Variants in WDR49 observed in about 807,000 individuals in gnomAD.
The protein encoded by WDR49 is cilia- and flagella-associated protein 337.
In WDR49, 107 loss-of-function variants were observed where a neutral mutation model predicts 119.5. That is an observed-to-expected ratio of 0.90 (90% CI 0.77 to 1.05). The LOEUF is 1.05. WDR49 is among the 50% of genes least tolerant of loss of function. The pLI is 0.00. For synonymous variants in WDR49, 425 were observed against 418.8 expected, an observed-to-expected ratio of 1.01 and a Z score of -0.18; for missense variants, 1,240 against 1,220.5, an observed-to-expected ratio of 1.02 and a Z score of -0.24.
chr3:167,542,743 A>T (rs1711920128), intron 10 of WDR49, among the ~76,000 whole-genome samples: 2 of 152,082 alleles, frequency 1.3e-5, no homozygotes, highest in African/African-American at 4.8e-5. Context: ...GAGAAACAAG[A>T]AAAAAACAAA....
At chr3:167,631,763 A>G (rs562071912) in intron 2 of WDR49, among the ~76,000 whole-genome samples, 1 of 152,164 alleles carries the variant, frequency 6.6e-6, no homozygotes, top group South Asian at 2.1e-4. Flanking sequence ...CTGGCAAGGT[A>G]CTTCACTGCT....
At chr3:167,604,571 A>G (rs983755003) in intron 5 of WDR49, 103 bp from the exon 6 acceptor site, 7 of 1,160,650 alleles carry the variant, frequency 6.0e-6, no homozygotes, top group Non-Finnish European at 8.2e-6. Context: ...ATTAAACTCA[A>G]ACTATGATGA....
intron 4 of WDR49, 132 bp from the exon 5 acceptor site, chr3:167,620,735 C>A: frequency 1.1e-6 from 1 of 882,116 alleles, no homozygotes; most frequent in Non-Finnish European, 1.6e-6. Flanking sequence ...TTAAAGGATG[C>A]AGGGTGTTAT....
chr3:167,620,599 T>G lies in WDR49; in HGVS notation c.788A>C (p.Gln263Pro), dbSNP rs1025911986. The G allele has an allele frequency of 9.8e-6, 15 of 1,533,296 alleles. No homozygotes were observed. The South Asian group carries it at 1.3e-4, about 13-fold the overall frequency. The allele number at this position is 1,533,296 out of a possible 1,614,324, so 95.0% of individuals were successfully genotyped here. A position where few individuals can be genotyped will look rare whatever the true frequency, so the allele number is the denominator to read the frequency against. ...CAAGGCTGCGGTGAAAGCAATTGCT[T>G]GAACCTTGACAGAGACATTGAAAGA... is the stretch of plus-strand genomic sequence containing the variant. The part of the protein sequence containing the change: ...LSFGDITGKV[Q>P]AIAFTAALIS... Residue 263 changes from glutamine (Q) to proline (P), a missense_variant, in exon 5 of 19, where the codon CAA becomes CCA. Gln to Pro is a moderately conservative substitution (Grantham distance 76, BLOSUM62 -1). Transcript: ENST00000682715.
chr3:167,657,771 C>A (rs567264899), upstream of WDR49, among the ~76,000 whole-genome samples: 18 of 152,170 alleles, frequency 1.2e-4, no homozygotes, highest in African/African-American at 4.3e-4. Context: ...GTCCTCACTG[C>A]TCCTTCTCAA....
chr3:167,563,383 A>AAAACC (rs1713399095), intron 8 of WDR49, among the ~76,000 whole-genome samples: 1 of 149,864 alleles, frequency 6.7e-6, no homozygotes, highest in Non-Finnish European at 1.5e-5. Flanking sequence ...AAAAAGAAAG[A>AAAACC]AACCTGATTT....
intron 18 of WDR49, among the ~76,000 whole-genome samples, chr3:167,492,302 G>A (rs866347407): frequency 6.6e-6 from 1 of 151,966 alleles, no homozygotes; most frequent in Non-Finnish European, 1.5e-5. Context: ...AAGCTACCAG[G>A]GAATTTGATT....
At chr3:167,545,607 A>T (rs1712140228) in intron 10 of WDR49, among the ~76,000 whole-genome samples, 2 of 149,184 alleles carry the variant, frequency 1.3e-5, no homozygotes, top group African/African-American at 4.9e-5. Context: ...GAAGTAACTC[A>T]GGAATGGAAA....
intron 15 of WDR49, among the ~76,000 whole-genome samples, chr3:167,523,171 T>C (rs978305033): frequency 4.6e-5 from 7 of 152,082 alleles, no homozygotes; most frequent in Non-Finnish European, 1.0e-4. Flanking sequence ...AGACTTGTCA[T>C]AAGTGTTTGC....
chr3:167,483,260 C>T (rs1323950968), intron 18 of WDR49, among the ~76,000 whole-genome samples: 40 of 152,192 alleles, frequency 2.6e-4, no homozygotes, highest in Admixed American at 2.6e-3. Flanking sequence ...TGCAGATTAG[C>T]ACTTTAGAAT....
At position 167,575,934 on chromosome 3, in the gene WDR49, T is replaced by C. The variant is rs1714225373; in HGVS notation, c.1493A>G (p.Asn498Ser). The C allele has an allele frequency of 1.9e-6, 3 of 1,614,154 alleles. No homozygotes were observed. The highest frequency in any genetic ancestry group is 4.5e-5 in the East Asian group (2 of 44,864). The change falls in exon 8 of 19, where the codon AAT becomes AGT. Residue 498 changes from asparagine to serine, a missense_variant. Physicochemically the swap from Asn to Ser is conservative, Grantham distance 46 (BLOSUM62 1). Coordinates refer to ENST00000682715, the MANE Select transcript of WDR49 (RefSeq NM_001366157.1). ...HEKAVTCVLY[N>S]SILKQVISSD... Reference sequence around the variant, plus strand: ...CATCATTACCTGCTTCAAGATAGAATTGTAAAGAACACAAGTGACTGCTTT... The same window carrying C: ...CATCATTACCTGCTTCAAGATAGAACTGTAAAGAACACAAGTGACTGCTTT...
intron 10 of WDR49, among the ~76,000 whole-genome samples, chr3:167,538,997 C>T (rs778286044): frequency 8.6e-5 from 13 of 151,966 alleles, no homozygotes; most frequent in Non-Finnish European, 1.8e-4. Flanking sequence ...GAATTATTTC[C>T]CTCTATTCTT....
At chr3:167,499,379 C>T (rs911299252) in intron 18 of WDR49, among the ~76,000 whole-genome samples, 3 of 152,294 alleles carry the variant, frequency 2.0e-5, no homozygotes, top group African/African-American at 7.2e-5. Context: ...TCTCAGATAG[C>T]TTCATTTAAT....
rs141999969 is a variant in WDR49 at position 167,482,603 on chromosome 3, C to T, written c.3032-3607G>A. On this transcript the variant is annotated intron_variant, in intron 18 of 18. Coordinates refer to ENST00000682715, the MANE Select transcript of WDR49 (RefSeq NM_001366157.1). ...CTGAGGCAGGAGAATGGCGTGAACC[C>T]GGGAGGCAGAGCTTGCAGTGAGTTG... is the stretch of plus-strand genomic sequence containing the variant. 1.6e-3 allele frequency among the ~76,000 whole-genome samples: 232 copies of T among 148,810 alleles called. 1 individual carries two copies. The highest frequency in any genetic ancestry group is 8.2e-4 in the East Asian group (4 of 4,898).
At chr3:167,602,070 T>C in intron 7 of WDR49, 57 bp downstream of exon 7, 3 of 1,507,184 alleles carry the variant, frequency 2.0e-6, no homozygotes, top group Non-Finnish European at 2.7e-6. Context: ...CCAGAGTTGA[T>C]TTGGGTAGGA....
intron 11 of WDR49, 98 bp downstream of exon 11, chr3:167,536,772 A>AT: frequency 1.1e-5 from 5 of 459,664 alleles, no homozygotes; most frequent in Non-Finnish European, 1.4e-5. Context: ...TATATATATA[A>AT]AACAACTGAG....
At chr3:167,512,591 C>T (rs1358921246) in intron 16 of WDR49, among the ~76,000 whole-genome samples, 2 of 152,112 alleles carry the variant, frequency 1.3e-5, no homozygotes, top group African/African-American at 4.8e-5. Context: ...AGAAACGGCA[C>T]AGAACTGGGC....
intron 13 of WDR49, 96 bp from the exon 14 acceptor site, chr3:167,529,335 G>A: frequency 8.9e-7 from 1 of 1,121,664 alleles, no homozygotes; most frequent in Non-Finnish European, 1.3e-6. Context: ...ATGTGATGTT[G>A]AAGAGGTGAG....
At chr3:167,540,157 A>G (rs981752434) in intron 10 of WDR49, among the ~76,000 whole-genome samples, 8 of 152,110 alleles carry the variant, frequency 5.3e-5, no homozygotes, top group African/African-American at 9.7e-5. Flanking sequence ...AGCTAATCCC[A>G]CTGCCTGTAA....
Sources: gnomAD v4.1 joint callset for allele counts (sites outside exome capture counted in the v4.1 genomes callset) on GRCh38, gnomAD v4.1.1 for gene constraint, MANE v1.5 for transcripts, NCBI Gene and HGNC (gene_info 2026-07-23, HGNC 2026-07-21) for gene names.